Variants in DMD observed in about 807,000 individuals in gnomAD.
DMD encodes the protein mutant dystrophin.
In DMD, 63 loss-of-function variants were observed where a neutral mutation model predicts 330.1. That is an observed-to-expected ratio of 0.19 (90% CI 0.16 to 0.24). The LOEUF (loss-of-function observed/expected upper bound fraction) is 0.24. Ranked by LOEUF, DMD falls within the 10% of genes least tolerant of loss-of-function variation. The pLI, the probability that DMD is intolerant of heterozygous loss-of-function variation, is 1.00. For synonymous variants in DMD, 1,223 were observed against 959.8 expected (o/e 1.27, Z -5.07); for missense variants, 3,344 against 2,684.1 (o/e 1.25, Z -5.43).
intron 1 of DMD, among the ~76,000 whole-genome samples, chrX:33,115,872 G>A (rs977131856): frequency 1.6e-4 from 18 of 109,901 alleles, no homozygotes; most frequent in African/African-American, 5.6e-4. Context: ...ATTATTTGAT[G>A]CTCAATGTTT....
At chrX:31,231,879 G>A (rs975130186) in intron 63 of DMD, among the ~76,000 whole-genome samples, 3 of 111,000 alleles carry the variant, frequency 2.7e-5, no homozygotes, top group African/African-American at 6.5e-5. Context: ...GCAAAACTCC[G>A]TCTCAAACAA....
intron 52 of DMD, among the ~76,000 whole-genome samples, chrX:31,706,693 A>AT (rs938545321): frequency 8.9e-6 from 1 of 112,307 alleles, no homozygotes; most frequent in Non-Finnish European, 1.9e-5. Context: ...CACTGTAGGC[A>AT]GAACTAATGT....
At chrX:32,709,618 T>A (rs2065001489) in intron 7 of DMD, among the ~76,000 whole-genome samples, 1 of 111,129 alleles carries the variant, frequency 9.0e-6, no homozygotes, top group Admixed American at 9.7e-5. Flanking sequence ...ATTTTACACC[T>A]CTTGATCTTC....
chrX:32,910,474 G>T (rs773986799), intron 2 of DMD, among the ~76,000 whole-genome samples: 14 of 110,555 alleles, frequency 1.3e-4, no homozygotes, highest in Non-Finnish European at 2.6e-4. Flanking sequence ...TGTCACCCGG[G>T]CTGGAGTGCA....
intron 1 of DMD, among the ~76,000 whole-genome samples, chrX:33,040,277 TAAGGAAAGATACTAAACTG>T (rs200241143): frequency 0.078 from 8,532 of 109,797 alleles, 352 homozygotes; most frequent in Non-Finnish European, 0.12. Context: ...GCGTAAGATT[TAAGGAAAGATACTAAACTG>T]AAGGAAAGAT....
At chrX:32,924,004 C>G (rs1331544277) in intron 2 of DMD, among the ~76,000 whole-genome samples, 1 of 111,572 alleles carries the variant, frequency 9.0e-6, no homozygotes, top group Non-Finnish European at 1.9e-5. Context: ...TAATGTTGAG[C>G]AAATAGCAAC....
chrX:32,347,923 C>T (rs2097769410), intron 38 of DMD, among the ~76,000 whole-genome samples: 1 of 111,315 alleles, frequency 9.0e-6, no homozygotes, highest in African/African-American at 3.3e-5. Context: ...ACATTTTAGA[C>T]ATATAATGTA....
At position 31,481,879 on chromosome X, in the gene DMD, T is replaced by G. The variant is rs138660167; in HGVS notation, c.8548-2776A>C. Among the ~76,000 whole-genome samples, 764 of 111,450 alleles carry G rather than the reference T, an allele frequency of 6.9e-3. 3 individuals are homozygous for G. Among genetic ancestry groups the G allele is most frequent in the Non-Finnish European group, 0.012 (617 of 53,040 alleles). Reference sequence around the variant, plus strand: ...TTGTAAAACATGAGACACACAGGGCTAGCTGGTTTCTGCAGAAGCTGGAAT... The same window carrying G: ...TTGTAAAACATGAGACACACAGGGCGAGCTGGTTTCTGCAGAAGCTGGAAT... On this transcript the variant is annotated intron_variant, in intron 57 of 78. Transcript: ENST00000357033.
At chrX:31,968,681 AC>A (rs1486298478) in intron 44 of DMD, among the ~76,000 whole-genome samples, 167 bp from the exon 45 acceptor site, 2 of 112,079 alleles carry the variant, frequency 1.8e-5, no homozygotes, top group Non-Finnish European at 3.8e-5. Context: ...TCCAAAGGAT[AC>A]AAGACAGAAA....
chrX:31,761,262 T>C, intron 51 of DMD, among the ~76,000 whole-genome samples: 1 of 110,593 alleles, frequency 9.0e-6, no homozygotes, highest in East Asian at 2.8e-4. Context: ...ACAAGAGTGG[T>C]TATTCTTATT....
At chrX:31,136,193 G>A (rs1209975478) in intron 76 of DMD, among the ~76,000 whole-genome samples, 2 of 110,935 alleles carry the variant, frequency 1.8e-5, no homozygotes, top group Non-Finnish European at 3.8e-5. Context: ...GCAATATTAA[G>A]TACAGGAAAT....
intron 54 of DMD, among the ~76,000 whole-genome samples, chrX:31,657,720 G>C (rs1201268003): frequency 8.9e-6 from 1 of 111,900 alleles, no homozygotes; most frequent in Non-Finnish European, 1.9e-5. Flanking sequence ...CTGATAAATG[G>C]CTCTTCTAGC....
intron 7 of DMD, among the ~76,000 whole-genome samples, chrX:32,724,797 GCT>G (rs1354905776): frequency 1.8e-5 from 2 of 111,586 alleles, no homozygotes; most frequent in African/African-American, 6.5e-5. Context: ...TAATCTTTCA[GCT>G]CTTTTTCTCA....
chrX:33,099,907 C>T (rs1455575945), intron 1 of DMD, among the ~76,000 whole-genome samples: 3 of 109,886 alleles, frequency 2.7e-5, no homozygotes, highest in Non-Finnish European at 3.8e-5. Flanking sequence ...AACTAGAGAA[C>T]AAAAAAAACC....
chrX:32,883,835 A>C (rs1263659574), intron 2 of DMD, among the ~76,000 whole-genome samples: 2 of 90,648 alleles, frequency 2.2e-5, no homozygotes, highest in African/African-American at 3.8e-5. Flanking sequence ...AAAAAAAAAA[A>C]AAAAAAAAAA....
intron 47 of DMD, among the ~76,000 whole-genome samples, chrX:31,895,547 T>C (rs1187457089): frequency 8.9e-6 from 1 of 111,806 alleles, no homozygotes; most frequent in Non-Finnish European, 1.9e-5. Flanking sequence ...CAGCTGAATA[T>C]GATTTGAAGA....
chrX:31,750,547 G>A (rs1353177657), intron 51 of DMD, among the ~76,000 whole-genome samples: 1 of 111,136 alleles, frequency 9.0e-6, no homozygotes, highest in East Asian at 2.8e-4. Flanking sequence ...GGTTACTGTA[G>A]CCTTGTACTA....
intron 44 of DMD, among the ~76,000 whole-genome samples, chrX:32,215,852 A>C (rs1472647162): frequency 2.7e-5 from 3 of 111,933 alleles, no homozygotes; most frequent in Non-Finnish European, 5.6e-5. Flanking sequence ...GTGTGCATGC[A>C]AGTTTGATTG....
intron 1 of DMD, among the ~76,000 whole-genome samples, chrX:33,309,368 A>G (rs919269039): frequency 1.8e-5 from 2 of 111,365 alleles, no homozygotes; most frequent in Non-Finnish European, 3.8e-5. Context: ...CTTTCTTTAT[A>G]TTCCCCAGTC....
Sources: allele counts gnomAD v4.1 joint callset (sites outside exome capture counted in the v4.1 genomes callset), GRCh38; gene constraint gnomAD v4.1.1; transcripts MANE v1.5; gene names NCBI Gene and HGNC (gene_info 2026-07-23, HGNC 2026-07-21).